Variants in FRMD4B observed in about 807,000 individuals in gnomAD.
FRMD4B encodes FERM domain containing 4B.
A neutral mutation model predicts 141.5 loss-of-function variants in FRMD4B; 74 were observed. That is an observed-to-expected ratio of 0.52 (90% confidence interval 0.43 to 0.63). FRMD4B has a LOEUF of 0.63. FRMD4B is among the 30% of genes least tolerant of loss of function. FRMD4B has a pLI of 0.00. For synonymous variants in FRMD4B, 506 were observed against 467.9 expected (o/e 1.08, Z -1.05); for missense variants, 1,366 against 1,253.4 (o/e 1.09, Z -1.36).
chr3:69,197,321 T>G (rs2092918403), intron 12 of FRMD4B, among the ~76,000 whole-genome samples: 1 of 152,114 alleles, frequency 6.6e-6, no homozygotes, highest in South Asian at 2.1e-4. Flanking sequence ...ACAAAAACAT[T>G]TAGTTAGAAA....
At chr3:69,501,775 G>A (rs1354025819) in intron 1 of FRMD4B, among the ~76,000 whole-genome samples, 3 of 152,176 alleles carry the variant, frequency 2.0e-5, no homozygotes, top group Non-Finnish European at 4.4e-5. Context: ...TGTATATCTA[G>A]AAAACCCCAC....
chr3:69,278,951 T>G (rs951792030), intron 5 of FRMD4B, among the ~76,000 whole-genome samples: 2 of 152,206 alleles, frequency 1.3e-5, no homozygotes. Context: ...ATTTAAGGCA[T>G]GCTCAGTCTC....
At position 69,261,106 on chromosome 3, in the gene FRMD4B, G is replaced by C. The variant is rs116640304; in HGVS notation, c.502-11007C>G. Among the ~76,000 whole-genome samples, 422 of 152,282 alleles carry C rather than the reference G, an allele frequency of 2.8e-3. 5 individuals carry two copies. Among genetic ancestry groups the C allele is most frequent in the African/African-American group, 9.5e-3 (394 of 41,546 alleles). On this transcript the variant is annotated intron_variant, in intron 5 of 22. Transcript: ENST00000398540. ...GGGTCACTTTTCACACTGTGGAAGG[G>C]TTGTTCTTTTTGGTCTTTGCAATAA...
intron 2 of FRMD4B, among the ~76,000 whole-genome samples, chr3:69,426,943 C>A (rs1459786504): frequency 6.6e-6 from 1 of 152,086 alleles, no homozygotes; most frequent in Non-Finnish European, 1.5e-5. Context: ...TTGGCTCAGC[C>A]TCATAGATTT....
intron 2 of FRMD4B, among the ~76,000 whole-genome samples, chr3:69,398,155 A>C (rs1384834690): frequency 6.6e-6 from 1 of 152,194 alleles, no homozygotes; most frequent in Admixed American, 6.5e-5. Flanking sequence ...AATTATTGAC[A>C]GTACTGATTT....
chr3:69,509,628 T>C (rs1037077493), intron 1 of FRMD4B, among the ~76,000 whole-genome samples: 3 of 152,178 alleles, frequency 2.0e-5, no homozygotes, highest in Admixed American at 1.3e-4. Context: ...CTTCTGCAGC[T>C]GTATAAACTC....
intron 7 of FRMD4B, among the ~76,000 whole-genome samples, chr3:69,231,901 C>T (rs2093309220): frequency 6.6e-6 from 1 of 152,206 alleles, no homozygotes; most frequent in South Asian, 2.1e-4. Context: ...CTGGCAGTAG[C>T]TGAGTGCTCA....
intron 1 of FRMD4B, among the ~76,000 whole-genome samples, chr3:69,370,244 CA>C (rs534392216): frequency 2.7e-5 from 4 of 150,342 alleles, no homozygotes; most frequent in Non-Finnish European, 5.9e-5. Context: ...ATAGAAATGC[CA>C]AAAAAAAGAG....
intron 11 of FRMD4B, among the ~76,000 whole-genome samples, chr3:69,203,400 G>A (rs2092991654): frequency 6.6e-6 from 1 of 151,498 alleles, no homozygotes; most frequent in African/African-American, 2.4e-5. Context: ...TAGGAGACAT[G>A]GTCCTTATAT....
intron 5 of FRMD4B, among the ~76,000 whole-genome samples, chr3:69,270,886 A>G (rs1431361076): frequency 6.6e-6 from 1 of 152,196 alleles, no homozygotes; most frequent in Non-Finnish European, 1.5e-5. Context: ...TTTCAAAAGC[A>G]GGAAACATAC....
chr3:69,421,358 T>C (rs1057232509), intron 2 of FRMD4B, among the ~76,000 whole-genome samples: 1 of 152,234 alleles, frequency 6.6e-6, no homozygotes, highest in Admixed American at 6.5e-5. Context: ...TTAGGGATTG[T>C]ACATGCAAGT....
intron 1 of FRMD4B, among the ~76,000 whole-genome samples, chr3:69,321,574 T>C (rs1429399885): frequency 6.6e-6 from 1 of 152,202 alleles, no homozygotes; most frequent in African/African-American, 2.4e-5. Flanking sequence ...AGAGCTTTAT[T>C]GCTTTGTTCA....
intron 8 of FRMD4B, among the ~76,000 whole-genome samples, chr3:69,223,253 C>G (rs956857629): frequency 1.3e-5 from 2 of 152,106 alleles, no homozygotes; most frequent in African/African-American, 4.8e-5. Flanking sequence ...CAGTGGCTCA[C>G]GTCTGTAATC....
chr3:69,224,809 C>T (rs2107758829), intron 7 of FRMD4B, 119 bp from the exon 8 acceptor site: 1 of 647,036 alleles, frequency 1.5e-6, no homozygotes, highest in East Asian at 2.7e-5. Flanking sequence ...AGCCAACATA[C>T]ACATGGTTAT....
rs557797295 is a variant in FRMD4B at position 69,271,867 on chromosome 3, C to T, written c.501+15885G>A. Among the ~76,000 whole-genome samples, 323 of 152,008 alleles carry T rather than the reference C, an allele frequency of 2.1e-3. 1 individual carries two copies. The highest frequency in any genetic ancestry group is 7.4e-3 in the African/African-American group (306 of 41,480). ...GCGGACGCCTATAATCCCAGCTGCT[C>T]GGGAGGCTGAGGCAGGAGAATTGCT... On this transcript the variant is annotated intron_variant, in intron 5 of 22. Coordinates refer to ENST00000398540, the MANE Select transcript of FRMD4B (RefSeq NM_015123.3).
intron 1 of FRMD4B, among the ~76,000 whole-genome samples, chr3:69,479,203 T>G (rs1706067749): frequency 6.6e-6 from 1 of 151,082 alleles, no homozygotes; most frequent in Admixed American, 6.6e-5. Flanking sequence ...TTAGTCCATT[T>G]ACATTTAAGG....
chr3:69,178,318 C>CT (rs35724186), intron 21 of FRMD4B, among the ~76,000 whole-genome samples: 13,932 of 152,182 alleles, frequency 0.092, 924 homozygotes, highest in Admixed American at 0.18. Context: ...ATGTAACACT[C>CT]TGAGTTTGAG....
intron 1 of FRMD4B, among the ~76,000 whole-genome samples, chr3:69,374,081 A>C (rs1264779603): frequency 6.6e-6 from 1 of 152,164 alleles, no homozygotes; most frequent in Non-Finnish European, 1.5e-5. Flanking sequence ...TTGGGCTTAA[A>C]TCCTGGTCAG....
At chr3:69,407,146 G>A (rs915845965) in intron 2 of FRMD4B, among the ~76,000 whole-genome samples, 1 of 152,046 alleles carries the variant, frequency 6.6e-6, no homozygotes, top group Non-Finnish European at 1.5e-5. Context: ...AGGGTGGCGT[G>A]GTTTAAGGAA....
Sources: gnomAD v4.1 joint callset for allele counts (sites outside exome capture counted in the v4.1 genomes callset) on GRCh38, gnomAD v4.1.1 for gene constraint, MANE v1.5 for transcripts, NCBI Gene and HGNC (gene_info 2026-07-23, HGNC 2026-07-21) for gene names.